The following PTPRN2 variants were observed in gnomAD, a reference collection of about 807,000 sequenced individuals.
PTPRN2 encodes receptor-type tyrosine-protein phosphatase N2.
PTPRN2 carries 74 observed loss-of-function variants against 118.8 expected under a neutral mutation model. That is an observed-to-expected ratio of 0.62 (90% confidence interval 0.52 to 0.76). The LOEUF (loss-of-function observed/expected upper bound fraction) is 0.76. Ranked by LOEUF, PTPRN2 falls within the 30% of genes least tolerant of loss-of-function variation. The pLI, the probability that PTPRN2 is intolerant of heterozygous loss-of-function variation, is 0.00. For missense variants in PTPRN2, 1,481 were observed against 1,394.4 expected (o/e 1.06, Z -0.99); for synonymous variants, 641 against 608.0 (o/e 1.05, Z -0.80).
intron 12 of PTPRN2, among the ~76,000 whole-genome samples, chr7:157,795,896 A>C (rs78169719): frequency 0.023 from 3,472 of 152,308 alleles, 112 homozygotes; most frequent in East Asian, 0.092. Context: ...CAGAACAAAC[A>C]CATGTGATGC....
intron 12 of PTPRN2, among the ~76,000 whole-genome samples, chr7:157,800,503 C>T (rs1805199625): frequency 6.6e-6 from 1 of 152,242 alleles, no homozygotes; most frequent in Non-Finnish European, 1.5e-5. Flanking sequence ...CCATGTGCCT[C>T]CCAGGCCGCC....
At chr7:157,740,149 C>T (rs1208752232) in intron 12 of PTPRN2, 1 of 152,274 alleles carries the variant, frequency 6.6e-6, no homozygotes, top group Non-Finnish European at 1.5e-5. Context: ...GTGTTGTACA[C>T]ATACACCCAC....
At chr7:158,098,220 G>A (rs1287151776) in intron 10 of PTPRN2, among the ~76,000 whole-genome samples, 1 of 152,238 alleles carries the variant, frequency 6.6e-6, no homozygotes, top group African/African-American at 2.4e-5. Context: ...GGACCTCGGA[G>A]AAGCGCTGGA....
chr7:157,675,770 G>A (rs1251067681), intron 13 of PTPRN2, among the ~76,000 whole-genome samples: 1 of 152,168 alleles, frequency 6.6e-6, no homozygotes, highest in African/African-American at 2.4e-5. Flanking sequence ...CGCACCCACA[G>A]GGCTGCCCTC....
At position 158,093,821 on chromosome 7, in the gene PTPRN2, G is replaced by A. The variant is rs1211685415; in HGVS notation, c.1644-12444C>T. ...AGCCTAAGAGCTTACAAAGGAGGAA[G>A]AAGAGAGAACCAATTCTTATTTGAA... On this transcript the variant is annotated intron_variant, in intron 10 of 22. Coordinates refer to ENST00000389418, the MANE Select transcript of PTPRN2 (RefSeq NM_002847.5). This position sits in a 1 kb window ranked among gnomAD's most constrained non-coding sequence, Gnocchi z 4.4. Among the ~76,000 whole-genome samples, 1 of 151,550 alleles carries A rather than the reference G, an allele frequency of 6.6e-6. No individual in the cohort carries two copies. Among genetic ancestry groups the A allele is most frequent in the African/African-American group, 2.4e-5 (1 of 40,830 alleles).
intron 11 of PTPRN2, among the ~76,000 whole-genome samples, chr7:158,019,272 G>T (rs899852062): frequency 1.4e-4 from 22 of 152,224 alleles, no homozygotes; most frequent in Non-Finnish European, 5.9e-5. Flanking sequence ...GTCACCAAAT[G>T]ATATTTATTT....
intron 3 of PTPRN2, among the ~76,000 whole-genome samples, chr7:158,241,476 T>C (rs910573760): frequency 2.0e-5 from 3 of 152,140 alleles, no homozygotes; most frequent in African/African-American, 7.2e-5. Context: ...ATCACACCAC[T>C]GCATTCCAGC....
intron 2 of PTPRN2, among the ~76,000 whole-genome samples, chr7:158,347,464 T>G (rs574628784): frequency 6.6e-6 from 1 of 152,248 alleles, no homozygotes; most frequent in African/African-American, 2.4e-5. Flanking sequence ...GTGTCTATTT[T>G]GTTTTGTTGT....
At position 157,763,771 on chromosome 7, in the gene PTPRN2, C is replaced by T. The variant is rs866329981; in HGVS notation, c.1789-80834G>A. Among the ~76,000 whole-genome samples, 3 of 152,062 alleles carry T rather than the reference C, an allele frequency of 2.0e-5. No individual in the cohort carries two copies. The highest frequency in any genetic ancestry group is 2.4e-5 in the African/African-American group (1 of 41,408). ...GAGTCTCCTGAGGGCAGGAGAGCCC[C>T]GGCAGTGGTAGGAGGAGGCTGCACC... On this transcript the variant is annotated intron_variant, in intron 12 of 22. Transcript: ENST00000389418. The surrounding 1 kb of genome is among the most constrained non-coding windows in gnomAD (Gnocchi z 4.9).
chr7:158,090,441 A>G (rs895891487), intron 10 of PTPRN2, among the ~76,000 whole-genome samples: 2 of 152,270 alleles, frequency 1.3e-5, no homozygotes, highest in Admixed American at 1.3e-4. Context: ...TTGTACATAG[A>G]TAAGAGATCA....
intron 2 of PTPRN2, among the ~76,000 whole-genome samples, chr7:158,358,317 G>A (rs983524534): frequency 1.3e-5 from 2 of 152,316 alleles, no homozygotes; most frequent in African/African-American, 4.8e-5. Flanking sequence ...CCTTTTTCAG[G>A]AGCATGGCCT....
intron 2 of PTPRN2, among the ~76,000 whole-genome samples, chr7:158,318,370 G>C (rs1246899966): frequency 6.6e-6 from 1 of 152,206 alleles, no homozygotes; most frequent in Non-Finnish European, 1.5e-5. Flanking sequence ...AAAATAGAAA[G>C]GCAACAAGCA....
At position 157,609,224 on chromosome 7, in the gene PTPRN2, A is replaced by G. The variant is rs1490890641; in HGVS notation, c.2345-5149T>C. Among the ~76,000 whole-genome samples the G allele has an allele frequency of 6.6e-6, 1 of 152,158 alleles. No individual in the cohort carries two copies. Among genetic ancestry groups the G allele is most frequent in the African/African-American group, 2.4e-5 (1 of 41,440 alleles). ...GTGGCAAAACCACGTCTCTACTAAA[A>G]ATACAAAAATTAGCCAGGCGTGGTG... On this transcript the variant is annotated intron_variant, in intron 15 of 22. Coordinates refer to ENST00000389418, the MANE Select transcript of PTPRN2 (RefSeq NM_002847.5). This position sits in a 1 kb window ranked among gnomAD's most constrained non-coding sequence, Gnocchi z 4.9.
chr7:158,263,726 C>A (rs1011733540), intron 3 of PTPRN2, among the ~76,000 whole-genome samples: 1 of 152,244 alleles, frequency 6.6e-6, no homozygotes, highest in African/African-American at 2.4e-5. Flanking sequence ...CTCAACGGCC[C>A]TTTTCCCACC....
chr7:158,106,089 C>G (rs1015049977), intron 10 of PTPRN2, among the ~76,000 whole-genome samples: 4 of 152,264 alleles, frequency 2.6e-5, no homozygotes, highest in African/African-American at 9.6e-5. Context: ...TAGATCATCA[C>G]TGCTCCATTC....
At chr7:157,586,365 C>T (rs1027043639) in intron 17 of PTPRN2, among the ~76,000 whole-genome samples, 4 of 152,228 alleles carry the variant, frequency 2.6e-5, no homozygotes, top group African/African-American at 9.6e-5. Flanking sequence ...AGACGGTTCC[C>T]TCTCGCACCA....
intron 11 of PTPRN2, among the ~76,000 whole-genome samples, chr7:157,921,662 C>T (rs1798698848): frequency 6.6e-6 from 1 of 152,238 alleles, no homozygotes; most frequent in South Asian, 2.1e-4. Flanking sequence ...CTTGTCGTCT[C>T]ATTATACATG....
At chr7:158,315,926 C>T (rs1354761597) in intron 3 of PTPRN2, among the ~76,000 whole-genome samples, 3 of 152,186 alleles carry the variant, frequency 2.0e-5, no homozygotes, top group African/African-American at 4.8e-5. Flanking sequence ...GCCACCCTGC[C>T]GTTGCCCCAT....
At chr7:158,129,158 A>G (rs1320081569) in intron 9 of PTPRN2, among the ~76,000 whole-genome samples, 1 of 149,090 alleles carries the variant, frequency 6.7e-6, no homozygotes, top group African/African-American at 2.5e-5. Flanking sequence ...TACACTACAC[A>G]CCACACACAT....
Sources: gnomAD v4.1 joint callset for allele counts (sites outside exome capture counted in the v4.1 genomes callset) on GRCh38, gnomAD v4.1.1 for gene constraint, Gnocchi (gnomAD v3.1) non-coding constraint, MANE v1.5 for transcripts, NCBI Gene and HGNC (gene_info 2026-07-23, HGNC 2026-07-21) for gene names.